Variants in PLCB1 observed in about 807,000 individuals in gnomAD.
PLCB1 encodes the protein 1-phosphatidylinositol 4,5-bisphosphate phosphodiesterase beta-1.
In PLCB1, 46 loss-of-function variants were observed where a neutral mutation model predicts 161.8. The observed-to-expected ratio is 0.28, with a 90% CI of 0.22 to 0.36. PLCB1 has a LOEUF of 0.36. PLCB1 is among the 10% of genes least tolerant of loss of function. The probability of loss-of-function intolerance (pLI) is 1.00; values close to 1 mark genes in which losing one functional copy is unlikely to be tolerated. For synonymous variants in PLCB1, 517 were observed against 503.7 expected, an observed-to-expected ratio of 1.03 and a Z score of -0.35; for missense variants, 1,016 against 1,472.5, an observed-to-expected ratio of 0.69 and a Z score of 5.07.
chr20:8,678,921 CAACTCCA>C (rs1461896779), intron 9 of PLCB1, among the ~76,000 whole-genome samples: 1 of 152,202 alleles, frequency 6.6e-6, no homozygotes, highest in African/African-American at 2.4e-5. Context: ...GCATGGGCTG[CAACTCCA>C]AACTCTTTCG....
chr20:8,138,562 C>T (rs1433898585), intron 1 of PLCB1, among the ~76,000 whole-genome samples: 2 of 152,192 alleles, frequency 1.3e-5, no homozygotes, highest in Non-Finnish European at 2.9e-5. Context: ...ATTTCACAGT[C>T]TTTTCCATCT....
intron 11 of PLCB1, among the ~76,000 whole-genome samples, chr20:8,703,183 G>A (rs1387038936): frequency 6.6e-6 from 1 of 152,162 alleles, no homozygotes; most frequent in Non-Finnish European, 1.5e-5. Flanking sequence ...TCAGCAAACT[G>A]GAGATGATAA....
chr20:8,493,666 T>G (rs1234450475), intron 3 of PLCB1, among the ~76,000 whole-genome samples: 1 of 147,896 alleles, frequency 6.8e-6, no homozygotes, highest in Non-Finnish European at 1.5e-5. Context: ...GTAGTAGCCC[T>G]TACCTTGGTG....
At chr20:8,810,423 G>A (rs1486426375) in intron 31 of PLCB1, among the ~76,000 whole-genome samples, 1 of 152,060 alleles carries the variant, frequency 6.6e-6, no homozygotes, top group Admixed American at 6.6e-5. Flanking sequence ...TGGGAGGCTG[G>A]TATGAGGGAG....
intron 14 of PLCB1, among the ~76,000 whole-genome samples, chr20:8,721,593 T>C (rs761583740): frequency 4.6e-5 from 7 of 152,200 alleles, no homozygotes; most frequent in Non-Finnish European, 7.3e-5. Context: ...TTATTTCTGA[T>C]GGAGTTAGAT....
At chr20:8,248,288 G>T (rs915296513) in intron 2 of PLCB1, among the ~76,000 whole-genome samples, 2 of 151,870 alleles carry the variant, frequency 1.3e-5, no homozygotes, top group African/African-American at 4.8e-5. Context: ...GGGCCCTCCT[G>T]GGTGGGCTAT....
intron 27 of PLCB1, among the ~76,000 whole-genome samples, chr20:8,777,650 T>G (rs1983007350): frequency 6.8e-6 from 1 of 146,250 alleles, no homozygotes; most frequent in African/African-American, 2.6e-5. Flanking sequence ...ACCCAGGAGG[T>G]GGAGGTTGCA....
intron 21 of PLCB1, among the ~76,000 whole-genome samples, chr20:8,739,673 C>T (rs997483784): frequency 2.7e-4 from 41 of 152,190 alleles, no homozygotes; most frequent in African/African-American, 9.7e-4. Flanking sequence ...AGCTGTGCTT[C>T]AGGTTCTGGG....
intron 3 of PLCB1, among the ~76,000 whole-genome samples, chr20:8,625,629 A>G (rs1395079893): frequency 1.3e-5 from 2 of 152,240 alleles, no homozygotes; most frequent in Admixed American, 1.3e-4. Flanking sequence ...TACATTCAGA[A>G]CTATATGGTT....
chr20:8,571,503 A>T (rs1332280155), intron 3 of PLCB1, among the ~76,000 whole-genome samples: 1 of 152,154 alleles, frequency 6.6e-6, no homozygotes, highest in Non-Finnish European at 1.5e-5. Flanking sequence ...ATAAATAAAA[A>T]ATAAAGGATC....
At chr20:8,524,464 C>T (rs1374219726) in intron 3 of PLCB1, among the ~76,000 whole-genome samples, 2 of 152,122 alleles carry the variant, frequency 1.3e-5, no homozygotes, top group East Asian at 3.9e-4. Flanking sequence ...TTGTTTCTCT[C>T]CTTAAATGCA....
At chr20:8,221,796 AT>A (rs1216438406) in intron 2 of PLCB1, among the ~76,000 whole-genome samples, 1 of 152,214 alleles carries the variant, frequency 6.6e-6, no homozygotes, top group African/African-American at 2.4e-5. Flanking sequence ...CAGAGTTTCA[AT>A]ATTTAAATGG....
chr20:8,251,184 C>T (rs924938466), intron 2 of PLCB1, among the ~76,000 whole-genome samples: 1 of 151,924 alleles, frequency 6.6e-6, no homozygotes, highest in Non-Finnish European at 1.5e-5. Context: ...GGACACTAAC[C>T]TCATTTGTGA....
intron 2 of PLCB1, among the ~76,000 whole-genome samples, chr20:8,255,482 G>A (rs1483643990): frequency 1.3e-5 from 2 of 151,950 alleles, no homozygotes; most frequent in East Asian, 1.9e-4. Context: ...CTTCAGCTTA[G>A]CAGTTATTGT....
chr20:8,267,168 C>T (rs1387666544), intron 2 of PLCB1, among the ~76,000 whole-genome samples: 1 of 152,102 alleles, frequency 6.6e-6, no homozygotes, highest in African/African-American at 2.4e-5. Flanking sequence ...AGGAACATAG[C>T]TTGTCAATAC....
At chr20:8,644,259 G>A (rs1302181538) in intron 4 of PLCB1, among the ~76,000 whole-genome samples, 12 of 147,918 alleles carry the variant, frequency 8.1e-5, no homozygotes, top group Admixed American at 1.4e-4. Context: ...GCCGCCCATC[G>A]TCTGGGACAT....
At chr20:8,486,931 A>G (rs1982755653) in intron 3 of PLCB1, among the ~76,000 whole-genome samples, 1 of 152,262 alleles carries the variant, frequency 6.6e-6, no homozygotes, top group African/African-American at 2.4e-5. Context: ...GAAATACAAC[A>G]TTGAATAATA....
chr20:8,785,374 C>A (rs1294006491), intron 27 of PLCB1, among the ~76,000 whole-genome samples: 1 of 152,084 alleles, frequency 6.6e-6, no homozygotes, highest in Non-Finnish European at 1.5e-5. Context: ...ATGCTCTTGC[C>A]ACTGGTATGT....
At chr20:8,448,164 G>A (rs1267239356) in intron 3 of PLCB1, among the ~76,000 whole-genome samples, 1 of 152,196 alleles carries the variant, frequency 6.6e-6, no homozygotes, top group Non-Finnish European at 1.5e-5. Flanking sequence ...AAATCCCTTT[G>A]CAAAGGTGTA....
Sources: allele counts gnomAD v4.1 joint callset (sites outside exome capture counted in the v4.1 genomes callset), GRCh38; gene constraint gnomAD v4.1.1; transcripts MANE v1.5; gene names NCBI Gene and HGNC (gene_info 2026-07-23, HGNC 2026-07-21).